GSE1: variants seen among roughly 807,000 people sequenced by gnomAD.
GSE1 encodes the protein Gse1 coiled-coil protein, also known as genetic suppressor element 1.
Under a neutral mutation model 112.6 loss-of-function variants are expected in GSE1, and 32 were observed. The ratio of observed to expected loss-of-function variants is 0.28; its 90% CI spans 0.21 to 0.38. GSE1 has a LOEUF of 0.38. Among genes scored for constraint, GSE1 ranks in the 10% least tolerant of loss-of-function variants. The pLI, the probability that GSE1 is intolerant of heterozygous loss-of-function variation, is 1.00. For synonymous variants in GSE1, 1,115 were observed against 735.6 expected, an observed-to-expected ratio of 1.52 and a Z score of -8.35; for missense variants, 2,348 against 1,699.2, an observed-to-expected ratio of 1.38 and a Z score of -6.71.
At chr16:85,203,539 G>A (rs2075065999) in intron 1 of GSE1, among the ~76,000 whole-genome samples, 1 of 152,208 alleles carries the variant, frequency 6.6e-6, no homozygotes, top group African/African-American at 2.4e-5. Context: ...AGGTTACACA[G>A]CTGTGCAGGA....
At chr16:85,204,919 G>C (rs2075088988) in intron 1 of GSE1, among the ~76,000 whole-genome samples, 1 of 152,166 alleles carries the variant, frequency 6.6e-6, no homozygotes, top group South Asian at 2.1e-4. Context: ...TCAGAGTTCT[G>C]GAGTCCATGC....
chr16:85,636,292 C>G (rs544711644), intron 2 of GSE1, among the ~76,000 whole-genome samples: 1 of 152,204 alleles, frequency 6.6e-6, no homozygotes, highest in Admixed American at 6.5e-5. Flanking sequence ...CACCTCACCC[C>G]CTATTGAGCT....
chr16:85,235,428 C>CTGTGTGTGTGTGTGTGTGTGTG (rs60860144), intron 1 of GSE1, among the ~76,000 whole-genome samples: 1 of 126,318 alleles, frequency 7.9e-6, no homozygotes, highest in Non-Finnish European at 1.7e-5. Flanking sequence ...TGGAAGGGTA[C>CTGTGTGTGTGTGTGTGTGTGTG]TGTGTGTGTG....
At chr16:85,353,328 C>T (rs964615316) in intron 1 of GSE1, among the ~76,000 whole-genome samples, 3 of 152,206 alleles carry the variant, frequency 2.0e-5, no homozygotes, top group African/African-American at 4.8e-5. Context: ...AGTTCGTGTG[C>T]GGATGGCTGG....
At position 85,229,339 on chromosome 16, in the gene GSE1, C is replaced by T. The variant is rs560000789; in HGVS notation, c.2283+57532C>T. The stretch of plus-strand genomic sequence containing the variant: ...CGGTGAGAGTCAGCTCCACCTGTGC[C>T]GTGTCAAGGCCGGGAGCGGGCTTGT... On this transcript the variant is annotated intron_variant, in intron 1 of 2. Transcript: ENST00000637419. 5.9e-5 allele frequency among the ~76,000 whole-genome samples: 9 copies of T among 152,314 alleles called. No individual in the cohort carries two copies. In the South Asian group the frequency reaches 1.0e-3, roughly 18 times the overall value.
At chr16:85,494,376 G>A (rs1032690189) in intron 2 of GSE1, among the ~76,000 whole-genome samples, 2 of 152,044 alleles carry the variant, frequency 1.3e-5, no homozygotes, top group South Asian at 2.1e-4. Context: ...TGGACTTGGG[G>A]CCCACCCTAT....
At chr16:85,350,935 G>A (rs865889628) in intron 1 of GSE1, among the ~76,000 whole-genome samples, 6 of 152,118 alleles carry the variant, frequency 3.9e-5, no homozygotes, top group East Asian at 1.9e-4. Flanking sequence ...GCCCACTACC[G>A]TGCCCGGCTA....
chr16:85,516,686 GC>G (rs1201924108), intron 2 of GSE1, among the ~76,000 whole-genome samples: 1 of 151,736 alleles, frequency 6.6e-6, no homozygotes, highest in Non-Finnish European at 1.5e-5. Flanking sequence ...TCTTTCTAAG[GC>G]CCCCCTGCCA....
upstream of GSE1, among the ~76,000 whole-genome samples, chr16:85,611,838 G>A (rs1444015530): frequency 6.6e-6 from 1 of 151,196 alleles, no homozygotes. Context: ...GCTCGCTCCC[G>A]TCGCAATCCG....
rs140555218 is a variant in GSE1 at position 85,371,832 on chromosome 16, C to T, written c.2464+14189C>T. Among the ~76,000 whole-genome samples, 431 of 152,312 alleles carry T rather than the reference C, an allele frequency of 2.8e-3. 2 individuals are homozygous for T. Among genetic ancestry groups the T allele is most frequent in the South Asian group, 6.0e-3 (29 of 4,826 alleles). ...GGAAACTGAGGCTGCTCAGTAGTCC[C>T]GGATGGTGCCAAGCCTAGAACCTGA... is the stretch of plus-strand genomic sequence containing the variant. On this transcript the variant is annotated intron_variant, in intron 2 of 2. Transcript: ENST00000637419.
chr16:85,563,107 G>A (rs554654437), intron 1 of GSE1, among the ~76,000 whole-genome samples: 16 of 152,162 alleles, frequency 1.1e-4, no homozygotes, highest in Middle Eastern at 3.4e-3. Flanking sequence ...TAGGGGCACC[G>A]TGTATTCGAA....
chr16:85,653,591 A>G (rs1037577303), intron 3 of GSE1, among the ~76,000 whole-genome samples: 6 of 151,790 alleles, frequency 4.0e-5, no homozygotes, highest in African/African-American at 1.5e-4. Context: ...AGCCTGGGAC[A>G]GGCGAGCTGT....
intron 2 of GSE1, among the ~76,000 whole-genome samples, chr16:85,414,669 C>T (rs187530556): frequency 1.3e-4 from 20 of 152,344 alleles, no homozygotes; most frequent in African/African-American, 4.3e-4. Context: ...GAGTCTTGCT[C>T]TGTCACCCAG....
intron 2 of GSE1, among the ~76,000 whole-genome samples, chr16:85,507,323 G>A (rs1276253743): frequency 1.3e-5 from 2 of 152,220 alleles, no homozygotes; most frequent in Non-Finnish European, 2.9e-5. Flanking sequence ...GCGGGGGGCT[G>A]TGGTAGGCGA....
At chr16:85,429,409 A>AG (rs1443907447) in intron 2 of GSE1, among the ~76,000 whole-genome samples, 3 of 152,210 alleles carry the variant, frequency 2.0e-5, no homozygotes, top group Non-Finnish European at 4.4e-5. Flanking sequence ...CCTCCCTGGA[A>AG]GCCGAGTGCA....
intron 2 of GSE1, among the ~76,000 whole-genome samples, chr16:85,361,987 T>G (rs1206371581): frequency 6.6e-6 from 1 of 152,228 alleles, no homozygotes; most frequent in African/African-American, 2.4e-5. Flanking sequence ...TCTCACCATG[T>G]GGGCAGCTTT....
chr16:85,223,870 G>T (rs371510314), intron 1 of GSE1, among the ~76,000 whole-genome samples: 13 of 152,134 alleles, frequency 8.5e-5, no homozygotes, highest in African/African-American at 2.7e-4. Flanking sequence ...CCCTCAAGGT[G>T]CTGGGATTAC....
chr16:85,598,167 G>GTTTTTTTTTTT (rs973836177), intron 1 of GSE1, among the ~76,000 whole-genome samples: 9 of 71,546 alleles, frequency 1.3e-4, no homozygotes, highest in South Asian at 5.3e-4. Flanking sequence ...AGGTTTGGTT[G>GTTTTTTTTTTT]TTTTTTTTTT....
At chr16:85,290,625 A>C (rs1555553866) in intron 1 of GSE1, among the ~76,000 whole-genome samples, 1 of 152,154 alleles carries the variant, frequency 6.6e-6, no homozygotes, top group Non-Finnish European at 1.5e-5. Context: ...GTTCTGGAGC[A>C]AGGGAGCACC....
Sources: allele counts gnomAD v4.1 joint callset (sites outside exome capture counted in the v4.1 genomes callset), GRCh38; gene constraint gnomAD v4.1.1; transcripts MANE v1.5; gene names NCBI Gene and HGNC (gene_info 2026-07-23, HGNC 2026-07-21).